The following SETX variants were observed in gnomAD, a reference collection of about 807,000 sequenced individuals.
SETX encodes the protein senataxin, also known as helicase senataxin.
In SETX, 90 loss-of-function variants were observed where a neutral mutation model predicts 227.2. The ratio of observed to expected loss-of-function variants is 0.40; its 90% CI spans 0.33 to 0.47. The LOEUF (loss-of-function observed/expected upper bound fraction) is 0.47, where lower values mean the gene tolerates loss of function less well. Ranked by LOEUF, SETX falls within the 20% of genes least tolerant of loss-of-function variation. SETX has a pLI of 0.91. For synonymous variants in SETX, 1,210 were observed against 1,113.2 expected, an observed-to-expected ratio of 1.09 and a Z score of -1.73; for missense variants, 3,052 against 3,181.5, an observed-to-expected ratio of 0.96 and a Z score of 0.98.
chr9:132,347,315 C>T (rs1463815290), intron 3 of SETX, among the ~76,000 whole-genome samples: 2 of 151,728 alleles, frequency 1.3e-5, no homozygotes, highest in African/African-American at 4.8e-5. Flanking sequence ...TATGTTTAAA[C>T]ACTTTTTATT....
rs538523362 is a variant in SETX, at chr9:132,302,992, A to C, written c.5375-2189T>G. ...ACATTTTTTTTAACAAGTAACACTA[A>C]AACTGAGCACCTATTTTTACATTGT... On this transcript the variant is annotated intron_variant, in intron 11 of 25. Coordinates refer to ENST00000224140, the MANE Select transcript of SETX (RefSeq NM_015046.7). 9.8e-5 allele frequency among the ~76,000 whole-genome samples: 15 copies of C among 152,286 alleles called. No homozygotes were observed. In the South Asian group the frequency reaches 3.1e-3, roughly 32 times the overall value.
intron 10 of SETX, among the ~76,000 whole-genome samples, chr9:132,320,593 C>CAAAAAAAAAAA (rs141457619): frequency 1.6e-5 from 1 of 61,064 alleles, no homozygotes; most frequent in Non-Finnish European, 2.9e-5. Flanking sequence ...GACTCCAACT[C>CAAAAAAAAAAA]AAAAAAAAAA....
rs745655037 is a variant in SETX at position 132,328,534 on chromosome 9, C to T, written c.3064G>A (p.Asp1022Asn). The T allele has an allele frequency of 6.8e-6, 11 of 1,614,028 alleles. No homozygotes were observed. The East Asian group carries it at 2.2e-4, about 33-fold the overall frequency. The change falls in exon 10 of 26, where the codon GAT becomes AAT. Residue 1022 changes from aspartate to asparagine, a missense_variant. Physicochemically the swap from Asp to Asn is conservative, Grantham distance 23 (BLOSUM62 1). Around this residue, in one of 10 missense-constraint regions of SETX, gnomAD observed 1,483 missense variants for 1,312.0 expected, o/e 1.13. Coordinates refer to ENST00000224140, the MANE Select transcript of SETX (RefSeq NM_015046.7). ...QVIIISDSDD[D>N]DDERILSLEK... ...AGACTCAGGATTCTTTCATCATCAT[C>T]ATCATCAGAATCTGAAATAATAATA...
In SETX at chr9:132,264,453, T is replaced by A; in HGVS notation, c.7820A>T (p.Glu2607Val). 6.2e-7 allele frequency: 1 copy of A among 1,609,346 alleles called. No individual in the cohort carries two copies. ...LSSHKPPVRG[E>V]PPAASPEAST... is the part of the protein sequence containing the mutation. Reference sequence around the variant, plus strand: ...AGCCTCGGGACTGGCAGCTGGAGGTTCGCCCCGCACGGGAGGTTTGTGGCT... The same window carrying A: ...AGCCTCGGGACTGGCAGCTGGAGGTACGCCCCGCACGGGAGGTTTGTGGCT... Residue 2607 changes from glutamate to valine, a missense_variant, in exon 26 of 26, where the codon GAA (glutamate) becomes GTA (valine). Glu to Val is a moderately radical substitution (Grantham distance 121, BLOSUM62 -2). Around this residue, in one of 10 missense-constraint regions of SETX, gnomAD observed 294 missense variants for 278.8 expected, o/e 1.05. Transcript: ENST00000224140.
chr9:132,333,400 A>ATATATATAT (rs1307013195), intron 7 of SETX, among the ~76,000 whole-genome samples: 4 of 82,266 alleles, frequency 4.9e-5, no homozygotes, highest in African/African-American at 2.7e-4. Context: ...AAAAAAAAGA[A>ATATATATAT]AAAAAAAAAT....
intron 5 of SETX, among the ~76,000 whole-genome samples, chr9:132,342,034 A>T (rs1013346115): frequency 6.6e-6 from 1 of 152,136 alleles, no homozygotes; most frequent in Non-Finnish European, 1.5e-5. Flanking sequence ...TCCCATTACC[A>T]TGCTTTTTTT....
intron 24 of SETX, 70 bp from the exon 25 acceptor site, chr9:132,269,772 A>T: frequency 6.8e-7 from 1 of 1,481,286 alleles, no homozygotes; most frequent in Non-Finnish European, 9.4e-7. Flanking sequence ...ACAAAGGTGG[A>T]CTCTAGAATG....
chr9:132,283,813 G>A (rs11243707), intron 18 of SETX, among the ~76,000 whole-genome samples: 64,868 of 151,984 alleles, frequency 0.43, 16,843 homozygotes, highest in Non-Finnish European at 0.59. Context: ...ACATTTTTCT[G>A]TTAGTTTTTA....
In SETX at chr9:132,326,775, G is replaced by A. The variant is rs753407430; in HGVS notation, c.4823C>T (p.Ala1608Val). Residue 1608 changes from alanine to valine, a missense_variant, in exon 10 of 26, where the codon GCT becomes GTT. Coordinates refer to ENST00000224140, the MANE Select transcript of SETX (RefSeq NM_015046.7). ...AGTTTCCAAAGATTTAGAAAGACCA[G>A]CAATTCGTGAAGTACTCTTTGAGCT... ...IFSSKSTSRI[A>V]GLSKSLETSS... 1 of 1,614,228 alleles carries A rather than the reference G, an allele frequency of 6.2e-7. No individual in the cohort carries two copies. The highest frequency in any genetic ancestry group is 8.5e-7 in the Non-Finnish European group (1 of 1,180,040).
chr9:132,294,162 T>C (rs947323378), intron 15 of SETX, among the ~76,000 whole-genome samples: 2 of 152,176 alleles, frequency 1.3e-5, no homozygotes, highest in Non-Finnish European at 2.9e-5. Flanking sequence ...AAATTAAAAC[T>C]ACCAACTGTA....
chr9:132,338,554 G>A (rs1251220223), intron 5 of SETX, among the ~76,000 whole-genome samples: 1 of 152,124 alleles, frequency 6.6e-6, no homozygotes, highest in East Asian at 1.9e-4. Flanking sequence ...GCAAATGCAT[G>A]ACCTCTCCAA....
At chr9:132,340,211 T>A (rs982176080) in intron 5 of SETX, among the ~76,000 whole-genome samples, 6 of 152,272 alleles carry the variant, frequency 3.9e-5, no homozygotes, top group East Asian at 3.9e-4. Flanking sequence ...TTCTTTTTTT[T>A]AATTATACTT....
intron 18 of SETX, among the ~76,000 whole-genome samples, chr9:132,284,786 C>T (rs1843742101): frequency 6.6e-6 from 1 of 152,138 alleles, no homozygotes; most frequent in Non-Finnish European, 1.5e-5. Context: ...CAGGTTGGAG[C>T]TCTGGAGGGC....
At chr9:132,354,066 G>A (rs1848748335) in intron 1 of SETX, among the ~76,000 whole-genome samples, 1 of 152,146 alleles carries the variant, frequency 6.6e-6, no homozygotes, top group African/African-American at 2.4e-5. Context: ...ACCACACTCG[G>A]CCTTCTCCTT....
In SETX at chr9:132,291,051, A is replaced by C. The variant is rs562320862; in HGVS notation, c.6107-2400T>G. Among the ~76,000 whole-genome samples the C allele has an allele frequency of 5.3e-5, 8 of 151,690 alleles. No homozygotes were observed. The East Asian group carries it at 1.5e-3, about 29-fold the overall frequency. On this transcript the variant is annotated intron_variant, in intron 15 of 25. Coordinates refer to ENST00000224140, the MANE Select transcript of SETX (RefSeq NM_015046.7). The stretch of plus-strand genomic sequence containing the variant: ...TGGGCACATAATAAATACAATGATT[A>C]TATGAAAAATGAATGGCTTATTTTT...
At chr9:132,275,091 C>T in intron 23 of SETX, 165 bp downstream of exon 23, 1 of 686,926 alleles carries the variant, frequency 1.5e-6, no homozygotes, top group Non-Finnish European at 2.5e-6. Context: ...TACCCAGGAG[C>T]CACACAGCAC....
At chr9:132,274,015 CT>C (rs1340119925) in intron 23 of SETX, among the ~76,000 whole-genome samples, 1 of 149,694 alleles carries the variant, frequency 6.7e-6, no homozygotes, top group African/African-American at 2.5e-5. Context: ...TTCCGTGCAA[CT>C]TTTTTTTGTA....
intron 7 of SETX, among the ~76,000 whole-genome samples, 154 bp downstream of exon 7, chr9:132,334,454 A>AC (rs1395258351): frequency 1.3e-5 from 2 of 152,226 alleles, no homozygotes; most frequent in Non-Finnish European, 2.9e-5. Context: ...GTATCAAAAA[A>AC]CAAAACAAAA....
At chr9:132,308,093 T>C (rs868215678) in intron 11 of SETX, among the ~76,000 whole-genome samples, 4 of 152,218 alleles carry the variant, frequency 2.6e-5, no homozygotes, top group Admixed American at 6.5e-5. Flanking sequence ...ATTTTCTCTC[T>C]AGAGAAGTAT....
Sources: gnomAD v4.1 joint callset for allele counts (sites outside exome capture counted in the v4.1 genomes callset) on GRCh38, gnomAD v4.1.1 for gene constraint, gnomAD v4.1.1 regional missense constraint, MANE v1.5 for transcripts, NCBI Gene and HGNC (gene_info 2026-07-23, HGNC 2026-07-21) for gene names.